The following NAV2 variants were observed in gnomAD, a reference collection of about 807,000 sequenced individuals.
NAV2 encodes the protein neuron navigator 2, also known as helicase, APC down-regulated 1.
NAV2 carries 54 observed loss-of-function variants against 223.2 expected under a neutral mutation model. The observed-to-expected ratio is 0.24, with a 90% CI of 0.19 to 0.30. NAV2 has a LOEUF of 0.30. NAV2 is among the 10% of genes least tolerant of loss of function. The probability of loss-of-function intolerance (pLI) is 1.00; values close to 1 mark genes in which losing one functional copy is unlikely to be tolerated. For synonymous variants in NAV2, 1,279 were observed against 1,239.3 expected, an observed-to-expected ratio of 1.03 and a Z score of -0.67; for missense variants, 2,806 against 3,147.5, an observed-to-expected ratio of 0.89 and a Z score of 2.60.
At chr11:19,589,771 G>A (rs1221929517) in intron 1 of NAV2, among the ~76,000 whole-genome samples, 1 of 152,210 alleles carries the variant, frequency 6.6e-6, no homozygotes, top group Non-Finnish European at 1.5e-5. Flanking sequence ...CTCCCAGCGT[G>A]GGAGCACAGA....
In NAV2 at chr11:19,826,229, G is replaced by C. The variant is rs149660870; in HGVS notation, c.268-6255G>C. 6.1e-4 allele frequency among the ~76,000 whole-genome samples: 93 copies of C among 152,310 alleles called. 1 individual carries two copies. The highest frequency in any genetic ancestry group is 2.1e-3 in the African/African-American group (88 of 41,574). ...ACTGAAACTTCACAGCTATCCACCTGGGGGCAAACCAGGATGAAGAATCAA... is the reference window on the plus strand; with the variant it reads ...ACTGAAACTTCACAGCTATCCACCTCGGGGCAAACCAGGATGAAGAATCAA... On this transcript the variant is annotated intron_variant, in intron 1 of 37. Coordinates refer to ENST00000349880, the MANE Select transcript of NAV2 (RefSeq NM_145117.5).
intron 1 of NAV2, among the ~76,000 whole-genome samples, chr11:19,679,733 CTTG>C (rs1197436289): frequency 1.3e-5 from 2 of 152,180 alleles, no homozygotes; most frequent in Non-Finnish European, 2.9e-5. Flanking sequence ...TTTGGCGGTT[CTTG>C]TTGTGACCTG....
intron 1 of NAV2, among the ~76,000 whole-genome samples, chr11:19,606,740 T>C (rs1309840637): frequency 1.3e-5 from 2 of 152,256 alleles, no homozygotes; most frequent in Non-Finnish European, 2.9e-5. Context: ...CAGAACATCA[T>C]GGAAGCAGAC....
intron 36 of NAV2, among the ~76,000 whole-genome samples, chr11:20,113,239 G>T (rs1234254721): frequency 6.6e-6 from 1 of 152,178 alleles, no homozygotes; most frequent in Non-Finnish European, 1.5e-5. Flanking sequence ...TCTTGGAGTT[G>T]CACGGTGGTT....
At chr11:19,663,468 G>T (rs1001407243) in intron 1 of NAV2, among the ~76,000 whole-genome samples, 3 of 152,204 alleles carry the variant, frequency 2.0e-5, no homozygotes. Context: ...CAGGGCTAAA[G>T]AATTGAACTC....
intron 1 of NAV2, among the ~76,000 whole-genome samples, chr11:19,786,556 C>T (rs146081872): frequency 1.3e-5 from 2 of 152,336 alleles, no homozygotes; most frequent in East Asian, 1.9e-4. Flanking sequence ...AACACAGTCA[C>T]CCCACCAGTA....
intron 1 of NAV2, among the ~76,000 whole-genome samples, chr11:19,824,200 C>G (rs180690795): frequency 6.6e-6 from 1 of 152,310 alleles, no homozygotes; most frequent in Non-Finnish European, 1.5e-5. Context: ...CACCACTGCA[C>G]AAGTTCAGAA....
chr11:19,471,795 C>T (rs1010678132), intron 1 of NAV2, among the ~76,000 whole-genome samples: 16 of 152,174 alleles, frequency 1.1e-4, no homozygotes, highest in Non-Finnish European at 2.1e-4. Context: ...CTGCACCTCC[C>T]CTGGCACCCG....
chr11:19,348,417 A>G (rs544215589), upstream of NAV2, among the ~76,000 whole-genome samples: 3 of 152,330 alleles, frequency 2.0e-5, no homozygotes, highest in African/African-American at 7.2e-5. Context: ...GTCAAACAGC[A>G]GTACTCCTTC....
At chr11:19,655,583 C>G (rs980059343) in intron 1 of NAV2, among the ~76,000 whole-genome samples, 20 of 151,912 alleles carry the variant, frequency 1.3e-4, no homozygotes, top group African/African-American at 4.8e-4. Flanking sequence ...GAGTTCATGT[C>G]CTTTGTAGGG....
At chr11:19,407,831 G>T (rs1849966595) in intron 1 of NAV2, among the ~76,000 whole-genome samples, 2 of 152,126 alleles carry the variant, frequency 1.3e-5, no homozygotes, top group Non-Finnish European at 2.9e-5. Flanking sequence ...CCGTTCTCCG[G>T]CTGGGGCATG....
chr11:19,690,921 C>T (rs1190078230), intron 1 of NAV2, among the ~76,000 whole-genome samples: 2 of 152,210 alleles, frequency 1.3e-5, no homozygotes, highest in African/African-American at 4.8e-5. Context: ...CACACCAAAG[C>T]TTTTCTCTTT....
chr11:20,059,668 G>C (rs930905434), intron 19 of NAV2, among the ~76,000 whole-genome samples: 1 of 152,194 alleles, frequency 6.6e-6, no homozygotes, highest in Admixed American at 6.5e-5. Flanking sequence ...CTAGTCAGCA[G>C]ATCCTGTTCT....
At chr11:20,034,974 G>T (rs2056209006) in intron 11 of NAV2, among the ~76,000 whole-genome samples, 1 of 152,200 alleles carries the variant, frequency 6.6e-6, no homozygotes, top group Non-Finnish European at 1.5e-5. Context: ...GTGCAAAACA[G>T]GACTGGGGTA....
Position 19,637,650 on chromosome 11 carries a change from A to G in NAV2, c.76-194834A>G, listed in dbSNP as rs2047543467. Among the ~76,000 whole-genome samples, 3 of 152,222 alleles carry G rather than the reference A, an allele frequency of 2.0e-5. No individual in the cohort carries two copies. In the South Asian group the frequency reaches 6.2e-4, roughly 32 times the overall value. ...TGCAGAAGGCAAAGGGAGAGCAGGCATCTCATGTGGCAAGAATTGGAGCAA... is the reference window on the plus strand; with the variant it reads ...TGCAGAAGGCAAAGGGAGAGCAGGCGTCTCATGTGGCAAGAATTGGAGCAA... On this transcript the variant is annotated intron_variant, in intron 1 of 37. Coordinates refer to the NAV2 transcript ENST00000360655.
intron 11 of NAV2, among the ~76,000 whole-genome samples, chr11:20,011,329 A>G (rs1223929536): frequency 6.6e-6 from 1 of 152,340 alleles, no homozygotes; most frequent in East Asian, 1.9e-4. Context: ...AATAGGGATA[A>G]AAGAAAAAGG....
chr11:19,582,195 C>G (rs934769420), intron 1 of NAV2, among the ~76,000 whole-genome samples: 2 of 152,144 alleles, frequency 1.3e-5, no homozygotes, highest in Non-Finnish European at 2.9e-5. Flanking sequence ...ATCCTTCGCC[C>G]ACTTGTTGAT....
At chr11:20,028,949 G>A (rs979161451) in intron 11 of NAV2, among the ~76,000 whole-genome samples, 8 of 152,174 alleles carry the variant, frequency 5.3e-5, no homozygotes, top group Admixed American at 4.6e-4. Flanking sequence ...GGCTCCCATG[G>A]GGATTGTATC....
chr11:19,713,650 C>A lies in NAV2; in HGVS notation c.-46C>A. The A allele has an allele frequency of 6.7e-7, 1 of 1,497,922 alleles. No homozygotes were observed. Among genetic ancestry groups the A allele is most frequent in the East Asian group, 2.4e-5 (1 of 42,284 alleles). 92.8% of individuals were successfully genotyped at this position (1,497,922 alleles called of 1,614,324 possible). A position where few individuals can be genotyped will look rare whatever the true frequency, so the allele number is the denominator to read the frequency against. ...CGCTGCCTTTAGCGGTCGCCCCCGCCGCCGCTGCCAGGGACGTGCTGGGAA... is the reference window on the plus strand; with the variant it reads ...CGCTGCCTTTAGCGGTCGCCCCCGCAGCCGCTGCCAGGGACGTGCTGGGAA... On this transcript the variant is annotated 5_prime_UTR_variant, in exon 1 of 38. Coordinates refer to ENST00000349880, the MANE Select transcript of NAV2 (RefSeq NM_145117.5). The surrounding 1 kb of genome is among the most constrained non-coding windows in gnomAD (Gnocchi z 7.2).
Sources: gnomAD v4.1 joint callset for allele counts (sites outside exome capture counted in the v4.1 genomes callset) on GRCh38, gnomAD v4.1.1 for gene constraint, Gnocchi (gnomAD v3.1) non-coding constraint, MANE v1.5 for transcripts, NCBI Gene and HGNC (gene_info 2026-07-23, HGNC 2026-07-21) for gene names.